The following SYN3 variants were observed in gnomAD, a reference collection of about 807,000 sequenced individuals.
SYN3 encodes synapsin-3.
In SYN3, 35 loss-of-function variants were observed where a neutral mutation model predicts 65.8. The ratio of observed to expected loss-of-function variants is 0.53; its 90% CI spans 0.41 to 0.70. SYN3 has a LOEUF of 0.70. Among genes scored for constraint, SYN3 ranks in the 30% least tolerant of loss-of-function variants. SYN3 has a pLI of 0.00. For missense variants in SYN3, 680 were observed against 749.0 expected (o/e 0.91, Z 1.08); for synonymous variants, 270 against 292.9 (o/e 0.92, Z 0.80).
At chr22:32,877,136 C>T (rs1013721176) in intron 4 of SYN3, among the ~76,000 whole-genome samples, 1 of 152,180 alleles carries the variant, frequency 6.6e-6, no homozygotes, top group Non-Finnish European at 1.5e-5. Context: ...GCTGTTAGTC[C>T]CTTTCCACCC....
chr22:33,038,999 A>C (rs373187089), intron 1 of SYN3, among the ~76,000 whole-genome samples: 2 of 152,128 alleles, frequency 1.3e-5, no homozygotes, highest in African/African-American at 4.8e-5. Context: ...TTCCTGCTTC[A>C]AGTCCTCCAG....
intron 6 of SYN3, among the ~76,000 whole-genome samples, chr22:32,645,917 G>A (rs2059977563): frequency 6.6e-6 from 1 of 151,730 alleles, no homozygotes; most frequent in South Asian, 2.1e-4. Flanking sequence ...GGGGTGGGGT[G>A]GGGAGCTGTA....
Position 32,741,347 on chromosome 22 carries a change from A to ATTTT in SYN3, c.711+123564_711+123567dup, listed in dbSNP as rs71187210. On this transcript the variant is annotated intron_variant, in intron 6 of 13. Transcript: ENST00000358763. ...CCAAGCATTCTGGCTCTAGAGCCCA[A>ATTTT]TTTTTTTTTTTTTTTTTTTTTTTTT... Among the ~76,000 whole-genome samples, 34 of 98,686 alleles carry ATTTT rather than the reference A, an allele frequency of 3.4e-4. 2 individuals carry two copies. In the East Asian group the frequency reaches 8.2e-3, roughly 24 times the overall value. 64.7% of individuals were successfully genotyped at this position (98,686 alleles called of 152,430 possible). A position where few individuals can be genotyped will look rare whatever the true frequency, so the allele number is the denominator to read the frequency against.
chr22:32,777,184 T>A, intron 6 of SYN3, among the ~76,000 whole-genome samples: 1 of 152,104 alleles, frequency 6.6e-6, no homozygotes, highest in Non-Finnish European at 1.5e-5. Context: ...CAGGAACATT[T>A]AGTGACCCAT....
intron 6 of SYN3, among the ~76,000 whole-genome samples, chr22:32,787,803 C>T (rs130555): frequency 0.77 from 117,383 of 152,078 alleles, 45,812 homozygotes; most frequent in East Asian, 0.93. Flanking sequence ...TCCTCCGCTG[C>T]GGCACACCTC....
intron 3 of SYN3, among the ~76,000 whole-genome samples, chr22:32,978,434 C>T (rs1414277987): frequency 6.6e-6 from 1 of 152,074 alleles, no homozygotes; most frequent in African/African-American, 2.4e-5. Flanking sequence ...ATGATGTGTC[C>T]TATTTTGGAG....
intron 7 of SYN3, among the ~76,000 whole-genome samples, chr22:32,570,672 G>A (rs1222561871): frequency 6.6e-6 from 1 of 152,152 alleles, no homozygotes; most frequent in Non-Finnish European, 1.5e-5. Context: ...GAATCTCAGT[G>A]TGAAGGGACG....
Position 32,623,020 on chromosome 22 carries a change from C to T in SYN3, c.712-26284G>A, listed in dbSNP as rs555574434. 2.2e-4 allele frequency among the ~76,000 whole-genome samples: 34 copies of T among 152,046 alleles called. No individual in the cohort carries two copies. The South Asian group carries it at 6.3e-3, about 28-fold the overall frequency. On this transcript the variant is annotated intron_variant, in intron 6 of 13. Coordinates refer to ENST00000358763, the MANE Select transcript of SYN3 (RefSeq NM_003490.4). ...ACTTGTTCCTCCTGAACACATTTTC[C>T]GAAAGTGGGGCCTTTTCAACAGTGT...
chr22:32,806,223 C>A (rs1187983186), intron 6 of SYN3, among the ~76,000 whole-genome samples: 1 of 152,050 alleles, frequency 6.6e-6, no homozygotes, highest in Non-Finnish European at 1.5e-5. Flanking sequence ...TGGGTCCCAG[C>A]TGGAGAAGGT....
Position 32,801,725 on chromosome 22 carries a change from G to C in SYN3, c.711+63190C>G. ...GGCGCAGAGCGGGCAGCAGGCAGGC[G>C]GCGGGCGCTCAGACGGCTTCTCCTC... On this transcript the variant is annotated intron_variant, in intron 6 of 13. Transcript: ENST00000358763. The surrounding 1 kb of genome is among the most constrained non-coding windows in gnomAD (Gnocchi z 4.7). The C allele has an allele frequency of 4.9e-6, 1 of 204,990 alleles. No individual in the cohort carries two copies. Among genetic ancestry groups the C allele is most frequent in the East Asian group, 1.3e-4 (1 of 7,954 alleles). The allele number at this position is 204,990 out of a possible 1,614,324, so 12.7% of individuals were successfully genotyped here.
intron 5 of SYN3, among the ~76,000 whole-genome samples, chr22:32,867,898 A>C (rs1239439093): frequency 6.6e-6 from 1 of 152,224 alleles, no homozygotes; most frequent in Non-Finnish European, 1.5e-5. Context: ...GTATTTTAAG[A>C]AGTCTTTCTT....
intron 5 of SYN3, among the ~76,000 whole-genome samples, chr22:32,868,536 G>A (rs1463476495): frequency 2.6e-5 from 4 of 151,894 alleles, no homozygotes; most frequent in South Asian, 2.1e-4. Flanking sequence ...CGCCTCCCGG[G>A]TTCAAGCGAT....
intron 3 of SYN3, among the ~76,000 whole-genome samples, chr22:32,978,022 GGAAA>G (rs1029622578): frequency 2.7e-4 from 41 of 152,274 alleles, no homozygotes; most frequent in Admixed American, 2.0e-3. Context: ...ATTTAAATCT[GGAAA>G]GACTCAGAGA....
In SYN3 at chr22:32,549,965, G is replaced by C. The variant is rs115846145; in HGVS notation, c.775-8252C>G. On this transcript the variant is annotated intron_variant, in intron 7 of 13. Transcript: ENST00000358763. ...CCTATAGAGGGAAGGGAAGCGGGAG[G>C]TGACGGGGATGGAGGCTAGTCCTCA... Among the ~76,000 whole-genome samples the C allele has an allele frequency of 5.8e-3, 889 of 152,174 alleles. 13 individuals are homozygous for C. Among genetic ancestry groups the C allele is most frequent in the African/African-American group, 0.021 (863 of 41,508 alleles).
intron 7 of SYN3, among the ~76,000 whole-genome samples, chr22:32,579,539 C>T (rs994643676): frequency 6.6e-6 from 1 of 152,230 alleles, no homozygotes; most frequent in African/African-American, 2.4e-5. Flanking sequence ...CCTCTTAATA[C>T]TATCACATTG....
intron 3 of SYN3, among the ~76,000 whole-genome samples, chr22:32,956,041 C>CACATATATATATAT (rs541947799): frequency 2.3e-5 from 3 of 130,678 alleles, no homozygotes; most frequent in African/African-American, 3.3e-5. Context: ...AATAAATTCA[C>CACATATATATATAT]ATATATATAT....
At position 32,966,306 on chromosome 22, in the gene SYN3, G is replaced by A. The variant is rs143261069; in HGVS notation, c.369+14339C>T. On this transcript the variant is annotated intron_variant, in intron 3 of 13. Transcript: ENST00000358763. ...GAATCTATGGCAAAATCTAAGAAAG[G>A]ATGTCCCAGGAGGAGAGACGTGCAT... 2.1e-3 allele frequency among the ~76,000 whole-genome samples: 314 copies of A among 152,264 alleles called. 1 individual carries two copies. The highest frequency in any genetic ancestry group is 4.0e-3 in the Admixed American group (61 of 15,290).
intron 6 of SYN3, among the ~76,000 whole-genome samples, chr22:32,836,170 G>A (rs130299): frequency 0.78 from 118,708 of 151,760 alleles, 46,812 homozygotes; most frequent in East Asian, 0.92. Context: ...ACATTTTGGG[G>A]AATGGTTTTA....
At chr22:32,537,936 C>T (rs144844949) in intron 9 of SYN3, 100 bp downstream of exon 9, 239 of 1,039,190 alleles carry the variant, frequency 2.3e-4, no homozygotes, top group Middle Eastern at 1.5e-3. Flanking sequence ...AGGCACTGGA[C>T]GGAGGGCGGA....
Sources: gnomAD v4.1 joint callset for allele counts (sites outside exome capture counted in the v4.1 genomes callset) on GRCh38, gnomAD v4.1.1 for gene constraint, Gnocchi (gnomAD v3.1) non-coding constraint, MANE v1.5 for transcripts, NCBI Gene and HGNC (gene_info 2026-07-23, HGNC 2026-07-21) for gene names.